Variants in CCBE1 observed in about 807,000 individuals in gnomAD.
The protein encoded by CCBE1 is collagen and calcium-binding EGF domain-containing protein 1.
A neutral mutation model predicts 50.0 loss-of-function variants in CCBE1; 37 were observed. That is an observed-to-expected ratio of 0.74 (90% CI 0.57 to 0.97). CCBE1 has a LOEUF of 0.97. CCBE1 is among the 50% of genes least tolerant of loss of function. CCBE1 has a pLI of 0.00. For synonymous variants in CCBE1, 234 were observed against 203.7 expected (o/e 1.15, Z -1.27); for missense variants, 538 against 523.8 (o/e 1.03, Z -0.26).
At chr18:59,532,421 G>A (rs182908937) in intron 2 of CCBE1, among the ~76,000 whole-genome samples, 1 of 152,100 alleles carries the variant, frequency 6.6e-6, no homozygotes, top group Admixed American at 6.5e-5. Flanking sequence ...GCATTAAACT[G>A]ACTCCTTCCA....
chr18:59,583,666 TGTGTGTGTGTGTGTGCGCGCGC>T (rs1412789540), intron 2 of CCBE1, among the ~76,000 whole-genome samples: 1 of 91,246 alleles, frequency 1.1e-5, no homozygotes, highest in African/African-American at 4.7e-5. Context: ...TGTGTGTGTG[TGTGTGTGTGTGTGTGCGCGCGC>T]GCGCGCGCGC....
intron 2 of CCBE1, among the ~76,000 whole-genome samples, chr18:59,687,997 G>C (rs967652397): frequency 6.6e-6 from 1 of 152,128 alleles, no homozygotes; most frequent in Non-Finnish European, 1.5e-5. Flanking sequence ...GATATATTCT[G>C]CATAGGGTAC....
intron 7 of CCBE1, among the ~76,000 whole-genome samples, chr18:59,447,192 C>T (rs1021454093): frequency 1.3e-5 from 2 of 152,036 alleles, no homozygotes; most frequent in Non-Finnish European, 2.9e-5. Flanking sequence ...TTTATACACA[C>T]ATATATATAC....
At chr18:59,518,111 A>G (rs7244902) in intron 2 of CCBE1, among the ~76,000 whole-genome samples, 43,307 of 152,016 alleles carry the variant, frequency 0.28, 7,889 homozygotes, top group African/African-American at 0.52. Context: ...AAACAGTGTT[A>G]ATCAACACTT....
At chr18:59,616,304 C>T (rs1015794925) in intron 2 of CCBE1, among the ~76,000 whole-genome samples, 2 of 152,126 alleles carry the variant, frequency 1.3e-5, no homozygotes, top group African/African-American at 4.8e-5. Flanking sequence ...AAAGAGGAGC[C>T]AGAGGCGGCC....
chr18:59,522,670 C>T (rs1209604535), intron 2 of CCBE1, among the ~76,000 whole-genome samples: 2 of 152,158 alleles, frequency 1.3e-5, no homozygotes, highest in Admixed American at 6.5e-5. Context: ...TATGCAGATT[C>T]TCACAGTAGC....
chr18:59,600,627 G>A (rs1267035782), intron 2 of CCBE1, among the ~76,000 whole-genome samples: 3 of 152,014 alleles, frequency 2.0e-5, no homozygotes, highest in Admixed American at 2.0e-4. Flanking sequence ...AATTCACCCG[G>A]GTTAGCAAAG....
chr18:59,476,691 T>G (rs1041170315), intron 3 of CCBE1, among the ~76,000 whole-genome samples: 1 of 152,214 alleles, frequency 6.6e-6, no homozygotes, highest in African/African-American at 2.4e-5. Flanking sequence ...TTAAAAACTA[T>G]AGCTTCCACT....
intron 2 of CCBE1, among the ~76,000 whole-genome samples, chr18:59,651,946 TCTG>T (rs1253594132): frequency 1.3e-5 from 2 of 152,276 alleles, no homozygotes; most frequent in African/African-American, 4.8e-5. Context: ...GTCATCCTGC[TCTG>T]CTATCAATCA....
intron 4 of CCBE1, 36 bp downstream of exon 4, chr18:59,469,437 G>T: frequency 6.2e-7 from 1 of 1,613,984 alleles, no homozygotes; most frequent in Non-Finnish European, 8.5e-7. Flanking sequence ...CAAGGCACAT[G>T]TTCAGAAGCT....
At chr18:59,438,261 A>G (rs1311928662) in intron 9 of CCBE1, 115 bp from the exon 10 acceptor site, 3 of 957,070 alleles carry the variant, frequency 3.1e-6, no homozygotes, top group Non-Finnish European at 5.0e-6. Flanking sequence ...AACATTTTCT[A>G]TAGAAAACAT....
At chr18:59,525,232 G>C (rs892704349) in intron 2 of CCBE1, among the ~76,000 whole-genome samples, 2 of 152,162 alleles carry the variant, frequency 1.3e-5, no homozygotes, top group African/African-American at 4.8e-5. Flanking sequence ...ATCCTTGCCA[G>C]CATCTGTTAT....
chr18:59,491,814 C>CCAAACAAA (rs201367103), intron 2 of CCBE1, among the ~76,000 whole-genome samples: 80 of 37,840 alleles, frequency 2.1e-3, no homozygotes, highest in Middle Eastern at 0.022. Context: ...GACTCTGTCT[C>CCAAACAAA]CAAACAAACA....
At chr18:59,639,941 G>A (rs2053963872) in intron 2 of CCBE1, among the ~76,000 whole-genome samples, 1 of 152,138 alleles carries the variant, frequency 6.6e-6, no homozygotes, top group Non-Finnish European at 1.5e-5. Context: ...GAACAGGGAG[G>A]TGAAAGATCT....
At chr18:59,467,047 G>A (rs1568155144) in intron 4 of CCBE1, among the ~76,000 whole-genome samples, 156 bp from the exon 5 acceptor site, 1 of 152,266 alleles carries the variant, frequency 6.6e-6, no homozygotes, top group African/African-American at 2.4e-5. Context: ...AGCTAGAAAT[G>A]TGGGTCATCC....
intron 7 of CCBE1, among the ~76,000 whole-genome samples, chr18:59,444,301 C>A (rs557084512): frequency 6.6e-6 from 1 of 150,988 alleles, no homozygotes; most frequent in African/African-American, 2.4e-5. Flanking sequence ...ATTTCTGGAT[C>A]TCATTCATAT....
chr18:59,693,863 C>CTTTTTT (rs2054769394), intron 2 of CCBE1, among the ~76,000 whole-genome samples: 1 of 90,138 alleles, frequency 1.1e-5, no homozygotes, highest in Non-Finnish European at 2.1e-5. Context: ...TAAAGGAAAG[C>CTTTTTT]CTTTTTTTTT....
At chr18:59,608,081 C>T (rs978785379) in intron 2 of CCBE1, among the ~76,000 whole-genome samples, 21 of 152,176 alleles carry the variant, frequency 1.4e-4, no homozygotes, top group African/African-American at 4.8e-4. Context: ...GATCGTGCCA[C>T]TGCACTCCAG....
intron 2 of CCBE1, among the ~76,000 whole-genome samples, chr18:59,692,089 G>A (rs1302084553): frequency 2.0e-5 from 3 of 152,292 alleles, no homozygotes; most frequent in African/African-American, 7.2e-5. Flanking sequence ...AATAGCATCT[G>A]CAAACGAGTG....
Sources: allele counts gnomAD v4.1 joint callset (sites outside exome capture counted in the v4.1 genomes callset), GRCh38; gene constraint gnomAD v4.1.1; transcripts MANE v1.5; gene names NCBI Gene and HGNC (gene_info 2026-07-23, HGNC 2026-07-21).